MYO9A: variants seen among roughly 807,000 people sequenced by gnomAD.
MYO9A encodes the protein myosin IXA, also known as unconventional myosin-IXa.
Under a neutral mutation model 293.3 loss-of-function variants are expected in MYO9A, and 103 were observed. The observed-to-expected ratio is 0.35, with a 90% CI of 0.30 to 0.41. MYO9A has a LOEUF of 0.41. Ranked by LOEUF, MYO9A falls within the 10% of genes least tolerant of loss-of-function variation. The probability of loss-of-function intolerance (pLI) is 1.00; values close to 1 mark genes in which losing one functional copy is unlikely to be tolerated. For missense variants in MYO9A, 2,685 were observed against 3,033.0 expected (o/e 0.89, Z 2.69); for synonymous variants, 1,001 against 1,035.7 (o/e 0.97, Z 0.64).
chr15:71,974,238 G>A (rs2076083442), intron 12 of MYO9A, among the ~76,000 whole-genome samples: 1 of 152,186 alleles, frequency 6.6e-6, no homozygotes, highest in African/African-American at 2.4e-5. Context: ...CCTCCTCAGA[G>A]TAACAGTTTG....
At chr15:72,091,410 G>A (rs2079904689) in intron 1 of MYO9A, among the ~76,000 whole-genome samples, 1 of 151,542 alleles carries the variant, frequency 6.6e-6, no homozygotes. Flanking sequence ...CTTGTCCTCT[G>A]TGACTGAGAC....
At chr15:71,852,551 C>T (rs560004773) in intron 35 of MYO9A, among the ~76,000 whole-genome samples, 47 of 152,044 alleles carry the variant, frequency 3.1e-4, no homozygotes, top group African/African-American at 1.1e-3. Context: ...TTAGTAGAGA[C>T]GGGGTTTCTC....
At chr15:71,943,499 T>C (rs554008767) in intron 15 of MYO9A, among the ~76,000 whole-genome samples, 1 of 152,248 alleles carries the variant, frequency 6.6e-6, no homozygotes, top group East Asian at 1.9e-4. Context: ...ACTTGTAACT[T>C]GTATCAGGCT....
chr15:72,029,564 C>T (rs2077796329), intron 3 of MYO9A, among the ~76,000 whole-genome samples: 1 of 152,140 alleles, frequency 6.6e-6, no homozygotes, highest in Admixed American at 6.5e-5. Context: ...CCATCATCTA[C>T]TGAAACATCA....
intron 1 of MYO9A, among the ~76,000 whole-genome samples, chr15:72,100,066 T>A (rs944106562): frequency 5.3e-5 from 8 of 151,718 alleles, no homozygotes; most frequent in East Asian, 1.9e-4. Flanking sequence ...CTGGGCAGTA[T>A]AGCAAGACCC....
Position 71,901,271 on chromosome 15 carries a change from T to A in MYO9A, c.3070A>T (p.Ile1024Leu). Residue 1024 changes from isoleucine to leucine, a missense_variant, in exon 23 of 42, where the codon ATA (isoleucine) becomes TTA (leucine). By Grantham distance (5) the Ile-to-Leu change is conservative. Transcript: ENST00000356056. ...ACCCTGAACCATCGCTGCAACAATA[T>A]GATTCTGCGGAGCACCTCTTGGTGA... is the stretch of plus-strand genomic sequence containing the variant. ...LLHQEVLRRI[I>L]LLQRWFRVLL... The A allele has an allele frequency of 1.2e-6, 2 of 1,614,102 alleles. No homozygotes were observed. The highest frequency in any genetic ancestry group is 1.7e-6 in the Non-Finnish European group (2 of 1,180,000).
chr15:71,886,756 C>G (rs1333225860), intron 27 of MYO9A, among the ~76,000 whole-genome samples: 1 of 151,854 alleles, frequency 6.6e-6, no homozygotes, highest in African/African-American at 2.4e-5. Context: ...AAAAGTCCTT[C>G]GTAGATTTTG....
intron 1 of MYO9A, among the ~76,000 whole-genome samples, chr15:72,061,607 C>A (rs942621843): frequency 6.6e-6 from 1 of 151,870 alleles, no homozygotes; most frequent in Admixed American, 6.6e-5. Flanking sequence ...CTTCTGCCTA[C>A]GGAAAGAAGA....
At chr15:71,891,558 C>T (rs1012194060) in intron 26 of MYO9A, 3 of 152,152 alleles carry the variant, frequency 2.0e-5, no homozygotes, top group Non-Finnish European at 2.9e-5. Context: ...CAGTATATTT[C>T]CTTATTTATA....
chr15:71,990,743 C>T (rs1338123456), intron 11 of MYO9A, among the ~76,000 whole-genome samples: 2 of 130,078 alleles, frequency 1.5e-5, no homozygotes, highest in African/African-American at 5.9e-5. Flanking sequence ...GGCGACAGAG[C>T]GAGACTCAGT....
intron 1 of MYO9A, among the ~76,000 whole-genome samples, chr15:72,111,255 C>G (rs1454953558): frequency 6.6e-6 from 1 of 151,800 alleles, no homozygotes; most frequent in Non-Finnish European, 1.5e-5. Context: ...TTTGGGAGGC[C>G]AAGGCAGGCA....
intron 1 of MYO9A, among the ~76,000 whole-genome samples, chr15:72,114,887 T>C (rs774091270): frequency 4.6e-5 from 7 of 152,236 alleles, no homozygotes; most frequent in Non-Finnish European, 8.8e-5. Context: ...TTAATATTCT[T>C]GGCAAATCAT....
chr15:72,018,925 C>T (rs2077418407), intron 6 of MYO9A, 114 bp downstream of exon 6: 1 of 792,376 alleles, frequency 1.3e-6, no homozygotes, highest in East Asian at 2.5e-5. Context: ...TATCTTCCTT[C>T]CTAGGATTCT....
Position 71,827,032 on chromosome 15 carries a change from C to T in MYO9A, c.7195G>A (p.Ala2399Thr), listed in dbSNP as rs1317496599. ...CCAGCTGTCTTCAGGGAGCTAAGGG[C>T]TAAGCTTCTTTCTAATGCAAAAAAG... ...AISEKSERSL[A>T]LSSLKTAGKS... Residue 2399 changes from alanine (A) to threonine (T), a missense_variant, in exon 42 of 42, where the codon GCC becomes ACC. By Grantham distance (58) the Ala-to-Thr change is moderately conservative. Around this residue, in one of 10 missense-constraint regions of MYO9A, gnomAD observed 350 missense variants for 328.9 expected, o/e 1.06. Transcript: ENST00000356056. 3.2e-6 allele frequency: 5 copies of T among 1,572,152 alleles called. No individual in the cohort carries two copies. The African/African-American group carries it at 6.9e-5, about 22-fold the overall frequency.
chr15:71,951,078 CA>C (rs1567308522), intron 15 of MYO9A, among the ~76,000 whole-genome samples: 1 of 151,978 alleles, frequency 6.6e-6, no homozygotes, highest in South Asian at 2.1e-4. Context: ...AAAAAGCAAA[CA>C]AAAAAGAACA....
intron 1 of MYO9A, among the ~76,000 whole-genome samples, chr15:72,105,172 T>A (rs575633829): frequency 6.6e-6 from 1 of 152,272 alleles, no homozygotes; most frequent in East Asian, 1.9e-4. Context: ...CTGGAAAAAA[T>A]CAGCTCCTTC....
chr15:71,910,056 G>T (rs2057785286), intron 19 of MYO9A, among the ~76,000 whole-genome samples: 1 of 148,004 alleles, frequency 6.8e-6, no homozygotes, highest in African/African-American at 2.5e-5. Flanking sequence ...AGACATTGTT[G>T]TAACTAAAGC....
Position 72,079,026 on chromosome 15 carries a change from G to C in MYO9A, c.-71-32392C>G, listed in dbSNP as rs918348507. On this transcript the variant is annotated intron_variant, in intron 1 of 41. Coordinates refer to ENST00000356056, the MANE Select transcript of MYO9A (RefSeq NM_006901.4). ...TTAAGGCAGTGAAACTATTCTCTAT[G>C]ATACTGTAACGGTACAGACATGTCA... 8.5e-5 allele frequency among the ~76,000 whole-genome samples: 13 copies of C among 152,140 alleles called. 1 individual carries two copies. The highest frequency in any genetic ancestry group is 7.2e-4 in the Admixed American group (11 of 15,274).
chr15:71,945,201 A>C (rs568638120), intron 15 of MYO9A, among the ~76,000 whole-genome samples: 1 of 152,178 alleles, frequency 6.6e-6, no homozygotes, highest in Non-Finnish European at 1.5e-5. Flanking sequence ...TCAAGCTATC[A>C]GCCAAGGCTG....
Sources: gnomAD v4.1 joint callset for allele counts (sites outside exome capture counted in the v4.1 genomes callset) on GRCh38, gnomAD v4.1.1 for gene constraint, gnomAD v4.1.1 regional missense constraint, MANE v1.5 for transcripts, NCBI Gene and HGNC (gene_info 2026-07-23, HGNC 2026-07-21) for gene names.